The following RC3H1 variants were observed in gnomAD, a reference collection of about 807,000 sequenced individuals.
RC3H1 encodes the protein ring finger and CCCH-type domains 1.
Under a neutral mutation model 138.2 loss-of-function variants are expected in RC3H1, and 50 were observed. The ratio of observed to expected loss-of-function variants is 0.36; its 90% CI spans 0.29 to 0.46. The LOEUF is 0.46. Among genes scored for constraint, RC3H1 ranks in the 20% least tolerant of loss-of-function variants. The pLI, the probability that RC3H1 is intolerant of heterozygous loss-of-function variation, is 1.00. For synonymous variants in RC3H1, 462 were observed against 489.1 expected (o/e 0.94, Z 0.73); for missense variants, 1,031 against 1,388.1 (o/e 0.74, Z 4.09).
intron 6 of RC3H1, among the ~76,000 whole-genome samples, chr1:173,979,491 C>CA (rs1660717515): frequency 6.6e-6 from 1 of 152,092 alleles, no homozygotes. Context: ...ACTAAAGATA[C>CA]AAAAAATTTG....
intron 6 of RC3H1, among the ~76,000 whole-genome samples, chr1:173,979,570 C>T (rs529177753): frequency 2.0e-5 from 3 of 152,188 alleles, no homozygotes; most frequent in African/African-American, 7.2e-5. Flanking sequence ...GCAGGAGAAT[C>T]GCTTGAACCT....
At chr1:173,943,106 A>G (rs543062308) in intron 18 of RC3H1, among the ~76,000 whole-genome samples, 10 of 152,234 alleles carry the variant, frequency 6.6e-5, no homozygotes, top group Non-Finnish European at 1.3e-4. Context: ...ACATGTTGTC[A>G]TTGCAAAATA....
chr1:173,956,668 A>T (rs1229111808), intron 13 of RC3H1, among the ~76,000 whole-genome samples: 1 of 104,084 alleles, frequency 9.6e-6, no homozygotes, highest in Non-Finnish European at 2.2e-5. Flanking sequence ...TCAAAAAATT[A>T]AAAAAAAAAA....
At chr1:174,003,377 G>A (rs1362213101) in intron 1 of RC3H1, among the ~76,000 whole-genome samples, 7 of 131,920 alleles carry the variant, frequency 5.3e-5, no homozygotes, top group Non-Finnish European at 9.4e-5. Flanking sequence ...ACAAGAGCAA[G>A]ACTCCTATCA....
intron 9 of RC3H1, among the ~76,000 whole-genome samples, chr1:173,965,868 C>G (rs1168693577): frequency 6.6e-6 from 1 of 152,106 alleles, no homozygotes; most frequent in Non-Finnish European, 1.5e-5. Flanking sequence ...CAGCCAGGCA[C>G]TGTGGCTCAC....
chr1:173,960,921 A>T (rs1571192354), intron 13 of RC3H1, 156 bp downstream of exon 13: 1 of 687,028 alleles, frequency 1.5e-6, no homozygotes, highest in East Asian at 2.9e-5. Flanking sequence ...ACATACAAAA[A>T]TCAGTTCTAG....
rs1557924099 is a variant in RC3H1, at chr1:173,952,042, C to T, written c.2467G>A (p.Gly823Arg). Residue 823 changes from glycine to arginine, a missense_variant, in exon 14 of 20, where the codon GGA (glycine) becomes AGA (arginine). Coordinates refer to ENST00000367696, the MANE Select transcript of RC3H1 (RefSeq NM_172071.4). ...WSCDTIGSYI[G>R]TKDAKPKDVV... ...TCTTTGGGTTTTGCATCTTTGGTTCCAATGTAGGAGCCGATGGTGTCACAT... is the reference window on the plus strand; with the variant it reads ...TCTTTGGGTTTTGCATCTTTGGTTCTAATGTAGGAGCCGATGGTGTCACAT... 6.2e-7 allele frequency: 1 copy of T among 1,606,782 alleles called. No individual in the cohort carries two copies. Among genetic ancestry groups the T allele is most frequent in the South Asian group, 1.1e-5 (1 of 89,788 alleles).
At chr1:173,988,916 G>A (rs1661145722) in intron 2 of RC3H1, among the ~76,000 whole-genome samples, 1 of 152,204 alleles carries the variant, frequency 6.6e-6, no homozygotes. Context: ...TGAGTTGTAA[G>A]AGTTCCTTAT....
chr1:173,943,370 C>A, intron 18 of RC3H1, 72 bp downstream of exon 18: 1 of 1,470,000 alleles, frequency 6.8e-7, no homozygotes, highest in Non-Finnish European at 9.3e-7. Context: ...GATTCTGTGC[C>A]TCTAGATAAT....
chr1:174,021,946 G>A (rs1571247509), intron 1 of RC3H1, 150 bp downstream of exon 1: 5 of 377,448 alleles, frequency 1.3e-5, no homozygotes, highest in Non-Finnish European at 1.4e-5. Flanking sequence ...GGGCCCTGAG[G>A]AGCCTGGGGC....
At position 173,947,578 on chromosome 1, in the gene RC3H1, A is replaced by T; in HGVS notation, c.2528T>A (p.Val843Glu). Residue 843 changes from valine (V) to glutamate (E), a missense_variant, in exon 15 of 20, where the codon GTG becomes GAG. This residue lies in a region of RC3H1 where 716 missense variants were observed against 837.9 expected (regional missense o/e 0.85). Transcript: ENST00000367696. ...VAAGSVEMMNVESKGMRDQRL... is the reference protein window; with the variant it reads ...VAAGSVEMMNEESKGMRDQRL... Reference sequence around the variant, plus strand: ...CTGGTCCCTCATTCCTTTACTCTCCACATTCTGATAAAAAAGCAAAATGAG... The same window carrying T: ...CTGGTCCCTCATTCCTTTACTCTCCTCATTCTGATAAAAAAGCAAAATGAG... 6.2e-7 allele frequency: 1 copy of T among 1,613,496 alleles called. No individual in the cohort carries two copies. The highest frequency in any genetic ancestry group is 8.5e-7 in the Non-Finnish European group (1 of 1,179,704).
At chr1:173,991,637 C>A (rs1661289784) in intron 2 of RC3H1, among the ~76,000 whole-genome samples, 1 of 152,124 alleles carries the variant, frequency 6.6e-6, no homozygotes, top group Admixed American at 6.5e-5. Flanking sequence ...AGAAGTTTTT[C>A]TCCTAGTTGT....
At chr1:173,949,059 C>T (rs1013402465) in intron 14 of RC3H1, among the ~76,000 whole-genome samples, 9 of 137,072 alleles carry the variant, frequency 6.6e-5, no homozygotes, top group Non-Finnish European at 1.2e-4. Flanking sequence ...AAAAACAATG[C>T]TTCTGTAATT....
chr1:173,942,386 T>C (rs1658914496), intron 18 of RC3H1, among the ~76,000 whole-genome samples: 1 of 137,640 alleles, frequency 7.3e-6, no homozygotes, highest in African/African-American at 3.1e-5. Context: ...TGAGCTGAGG[T>C]TGGGCCACTG....
intron 14 of RC3H1, 30 bp downstream of exon 14, chr1:173,951,956 T>C: frequency 6.4e-7 from 1 of 1,570,654 alleles, no homozygotes; most frequent in South Asian, 1.2e-5. Context: ...TCTTAATTTG[T>C]ATTAATTATT....
intron 1 of RC3H1, among the ~76,000 whole-genome samples, chr1:174,013,903 A>C (rs1405066067): frequency 6.6e-6 from 1 of 152,122 alleles, no homozygotes; most frequent in Admixed American, 6.5e-5. Flanking sequence ...TTAAACAAAA[A>C]CAAAAGAAGA....
At chr1:173,962,127 A>G (rs936016119) in intron 11 of RC3H1, 32 bp from the exon 12 acceptor site, 1 of 1,544,734 alleles carries the variant, frequency 6.5e-7, no homozygotes, top group African/African-American at 1.4e-5. Flanking sequence ...CCAAAAGCAA[A>G]TAATGAGCCA....
At chr1:173,944,799 T>C (rs941264265) in intron 17 of RC3H1, among the ~76,000 whole-genome samples, 16 of 152,172 alleles carry the variant, frequency 1.1e-4, no homozygotes, top group African/African-American at 3.1e-4. Flanking sequence ...AATTCCTAAA[T>C]CTAATTGCGT....
intron 1 of RC3H1, among the ~76,000 whole-genome samples, chr1:174,019,318 G>C (rs1166959148): frequency 6.6e-6 from 1 of 152,162 alleles, no homozygotes; most frequent in Admixed American, 6.5e-5. Context: ...GCAAAAAAAG[G>C]AATCTGTCAA....
Sources: allele counts gnomAD v4.1 joint callset (sites outside exome capture counted in the v4.1 genomes callset), GRCh38; gene constraint gnomAD v4.1.1; regional missense constraint gnomAD v4.1.1; transcripts MANE v1.5; gene names NCBI Gene and HGNC (gene_info 2026-07-23, HGNC 2026-07-21).